SLC22A3: variants seen among roughly 807,000 people sequenced by gnomAD.
SLC22A3 encodes EMT organic cation transporter 3.
Under a neutral mutation model 59.1 loss-of-function variants are expected in SLC22A3, and 51 were observed. That is an observed-to-expected ratio of 0.86 (90% CI 0.69 to 1.09). The LOEUF (loss-of-function observed/expected upper bound fraction) is 1.09, where lower values mean the gene tolerates loss of function less well. Among genes scored for constraint, SLC22A3 ranks in the 50% least tolerant of loss-of-function variants. SLC22A3 has a pLI of 0.00. For synonymous variants in SLC22A3, 325 were observed against 292.0 expected (o/e 1.11, Z -1.15); for missense variants, 711 against 726.3 (o/e 0.98, Z 0.24).
At chr6:160,436,756 C>T (rs1476142016) in intron 5 of SLC22A3, 24 bp from the exon 6 acceptor site, 1 of 1,482,352 alleles carries the variant, frequency 6.7e-7, no homozygotes, top group East Asian at 2.3e-5. Context: ...TCTATTGCTA[C>T]TGAAATCTGC....
intron 1 of SLC22A3, among the ~76,000 whole-genome samples, chr6:160,379,013 T>A (rs1245101266): frequency 1.3e-5 from 2 of 152,154 alleles, no homozygotes; most frequent in Non-Finnish European, 2.9e-5. Context: ...AGTTGAACCA[T>A]CCTAAGTTGG....
intron 7 of SLC22A3, among the ~76,000 whole-genome samples, chr6:160,441,957 A>T (rs973669284): frequency 1.3e-5 from 2 of 152,222 alleles, no homozygotes; most frequent in African/African-American, 4.8e-5. Context: ...GACTTTTTAG[A>T]GTAAAAATGG....
chr6:160,419,755 G>A lies in SLC22A3; in HGVS notation c.975+8909G>A, dbSNP rs571167259. On this transcript the variant is annotated intron_variant, in intron 5 of 10. Coordinates refer to ENST00000275300, the MANE Select transcript of SLC22A3 (RefSeq NM_021977.4). ...AAAATGACTCATAAAAATGGTAACT[G>A]TAGTATGTGTACCATCACACTCACT... is the stretch of plus-strand genomic sequence containing the variant. Among the ~76,000 whole-genome samples, 3 of 152,270 alleles carry A rather than the reference G, an allele frequency of 2.0e-5. No homozygotes were observed. The East Asian group carries it at 5.8e-4, about 29-fold the overall frequency.
intron 3 of SLC22A3, 131 bp from the exon 4 acceptor site, chr6:160,408,622 C>A: frequency 1.3e-6 from 1 of 778,682 alleles, no homozygotes; most frequent in Non-Finnish European, 2.1e-6. Context: ...AGTGTGGAAG[C>A]CTCCGTATCT....
chr6:160,421,787 G>A (rs565665450), intron 5 of SLC22A3, among the ~76,000 whole-genome samples: 5 of 152,184 alleles, frequency 3.3e-5, no homozygotes, highest in Admixed American at 1.3e-4. Flanking sequence ...CGTTTCAAGC[G>A]TCTGCTGGGG....
intron 1 of SLC22A3, among the ~76,000 whole-genome samples, chr6:160,369,168 T>G (rs1289821718): frequency 6.6e-6 from 1 of 152,264 alleles, no homozygotes; most frequent in Non-Finnish European, 1.5e-5. Context: ...CCATTGTTCT[T>G]TATTTTTTCA....
chr6:160,368,792 C>A (rs747046979), intron 1 of SLC22A3, among the ~76,000 whole-genome samples: 2 of 152,190 alleles, frequency 1.3e-5, no homozygotes, highest in Non-Finnish European at 2.9e-5. Context: ...TGTAGGGACC[C>A]CTGTGGCTGG....
intron 1 of SLC22A3, among the ~76,000 whole-genome samples, chr6:160,358,505 C>G (rs1338562980): frequency 6.6e-6 from 1 of 152,172 alleles, no homozygotes; most frequent in Admixed American, 6.5e-5. Context: ...CCAGGGTCCA[C>G]TCTCTGGAGC....
At chr6:160,448,592 GT>G (rs1316875141) in intron 10 of SLC22A3, among the ~76,000 whole-genome samples, 5 of 152,094 alleles carry the variant, frequency 3.3e-5, no homozygotes, top group Admixed American at 2.6e-4. Flanking sequence ...GGAGGGGGGT[GT>G]TTAAATAGGG....
chr6:160,425,723 T>C, intron 5 of SLC22A3: 1 of 707,204 alleles, frequency 1.4e-6, no homozygotes, highest in Non-Finnish European at 1.7e-6. Flanking sequence ...GCCTTTCACA[T>C]TGAAATCTAG....
chr6:160,417,872 A>G (rs569502664), intron 5 of SLC22A3, among the ~76,000 whole-genome samples: 1 of 152,298 alleles, frequency 6.6e-6, no homozygotes, highest in East Asian at 1.9e-4. Context: ...AGGCTGAGAG[A>G]CATTCAGAAT....
chr6:160,430,868 A>G (rs928031894), intron 5 of SLC22A3, among the ~76,000 whole-genome samples: 2 of 152,204 alleles, frequency 1.3e-5, no homozygotes, highest in African/African-American at 2.4e-5. Flanking sequence ...TTCTGTTTCT[A>G]TGAAATTCTA....
Position 160,398,035 on chromosome 6 carries a change from C to T in SLC22A3, c.486C>T (p.Asn162=). The change falls in exon 2 of 11, where the codon AAC becomes AAT. Residue 162 remains asparagine (N), a synonymous_variant. Transcript: ENST00000275300. ...TGGACCTCACCCAAGCCATCCTGAACCTCGGCTTCCTGACTGGAGCATTCA... is the reference window on the plus strand; with the variant it reads ...TGGACCTCACCCAAGCCATCCTGAATCTCGGCTTCCTGACTGGAGCATTCA... ...WMLDLTQAIL[N]LGFLTGAFTL... 3 of 1,613,820 alleles carry T rather than the reference C, an allele frequency of 1.9e-6. No homozygotes were observed. The highest frequency in any genetic ancestry group is 2.5e-6 in the Non-Finnish European group (3 of 1,179,770).
intron 1 of SLC22A3, among the ~76,000 whole-genome samples, chr6:160,394,005 C>T (rs1310799254): frequency 1.3e-5 from 2 of 152,242 alleles, no homozygotes; most frequent in Non-Finnish European, 2.9e-5. Context: ...TTTTATCAGA[C>T]TGACTTTCTG....
At chr6:160,448,882 T>C (rs1583524436) in intron 10 of SLC22A3, among the ~76,000 whole-genome samples, 1 of 152,320 alleles carries the variant, frequency 6.6e-6, no homozygotes, top group East Asian at 1.9e-4. Context: ...CGTAGTCTTG[T>C]GTTGCTTGTG....
intron 1 of SLC22A3, among the ~76,000 whole-genome samples, chr6:160,351,272 T>C (rs1357843513): frequency 6.6e-6 from 1 of 152,098 alleles, no homozygotes; most frequent in Non-Finnish European, 1.5e-5. Flanking sequence ...ACTGCCACCA[T>C]GCCCGGCTAA....
intron 2 of SLC22A3, among the ~76,000 whole-genome samples, chr6:160,400,084 ATTTTTTTTTTTTT>A (rs760874011): frequency 3.5e-4 from 33 of 95,438 alleles, no homozygotes; most frequent in African/African-American, 1.0e-3. Context: ...AGCTTTTGTG[ATTTTTTTTTTTTT>A]TTTTTTTTTT....
intron 1 of SLC22A3, among the ~76,000 whole-genome samples, chr6:160,370,484 T>C (rs546765612): frequency 2.2e-4 from 33 of 152,216 alleles, no homozygotes; most frequent in Non-Finnish European, 3.8e-4. Context: ...AATCCAGTGT[T>C]AGAACCAGGC....
At position 160,368,047 on chromosome 6, in the gene SLC22A3, C is replaced by T. The variant is rs145839579; in HGVS notation, c.429+19199C>T. On this transcript the variant is annotated intron_variant, in intron 1 of 10. Coordinates refer to ENST00000275300, the MANE Select transcript of SLC22A3 (RefSeq NM_021977.4). ...ATGCTGCTCTGTCCTCTCTAGTTCC[C>T]GGTGTCCTGATATTGCCTGATAGTC... Among the ~76,000 whole-genome samples the T allele has an allele frequency of 8.6e-4, 131 of 152,202 alleles. 2 individuals are homozygous for T. In the South Asian group the frequency reaches 0.025, roughly 29 times the overall value.
Sources: allele counts gnomAD v4.1 joint callset (sites outside exome capture counted in the v4.1 genomes callset), GRCh38; gene constraint gnomAD v4.1.1; transcripts MANE v1.5; gene names NCBI Gene and HGNC (gene_info 2026-07-23, HGNC 2026-07-21).